Variants in CHORDC1 observed in about 807,000 individuals in gnomAD.
CHORDC1 encodes the protein cysteine and histidine rich domain containing 1, also known as cysteine and histidine-rich domain-containing protein 1.
CHORDC1 carries 25 observed loss-of-function variants against 48.3 expected under a neutral mutation model. The observed-to-expected ratio is 0.52, with a 90% CI of 0.38 to 0.72. CHORDC1 has a LOEUF of 0.72. Among genes scored for constraint, CHORDC1 ranks in the 30% least tolerant of loss-of-function variants. CHORDC1 has a pLI of 0.00. For missense variants in CHORDC1, 317 were observed against 388.7 expected, an observed-to-expected ratio of 0.82 and a Z score of 1.55; for synonymous variants, 128 against 126.4, an observed-to-expected ratio of 1.01 and a Z score of -0.09.
At chr11:90,208,090 A>C (rs2135035446) in intron 6 of CHORDC1, 1 of 152,176 alleles carries the variant, frequency 6.6e-6, no homozygotes, top group East Asian at 1.9e-4. Context: ...AATCCAAAAT[A>C]CTAGAAATGG....
At chr11:90,202,758 C>A in intron 10 of CHORDC1, 55 bp downstream of exon 10, 1 of 1,521,934 alleles carries the variant, frequency 6.6e-7, no homozygotes, top group South Asian at 1.2e-5. Context: ...GTCTTTTATT[C>A]TACAAATGAT....
intron 6 of CHORDC1, among the ~76,000 whole-genome samples, chr11:90,209,631 G>A (rs1026090473): frequency 6.6e-6 from 1 of 152,030 alleles, no homozygotes; most frequent in African/African-American, 2.4e-5. Flanking sequence ...AAAAGGAGAG[G>A]GAGAAGAAAT....
rs958698155 is a variant in CHORDC1 at position 90,222,558 on chromosome 11, G to A, written c.64+333C>T. The A allele has an allele frequency of 7.3e-6, 4 of 544,294 alleles. No homozygotes were observed. The East Asian group carries it at 1.8e-4, about 24-fold the overall frequency. 33.7% of individuals were successfully genotyped at this position (544,294 alleles called of 1,614,324 possible). On this transcript the variant is annotated intron_variant, in intron 1 of 10. Transcript: ENST00000320585. ...TTAATTTTTGCTTCCCCAGAGACTG[G>A]AGGGCCAGAGGAGAAACGTGTTCGT...
intron 6 of CHORDC1, chr11:90,206,509 T>C (rs938400869): frequency 1.6e-4 from 68 of 438,012 alleles, no homozygotes; most frequent in Non-Finnish European, 2.4e-4. Context: ...TTTCAGCCTT[T>C]TGAGTATGAG....
intron 6 of CHORDC1, chr11:90,207,761 C>CAAAAAAAAAAAA (rs71055890): frequency 9.6e-4 from 50 of 52,352 alleles, no homozygotes; most frequent in East Asian, 1.6e-3. Context: ...GGTTAAAATA[C>CAAAAAAAAAAAA]AAAAAAAAAA....
At chr11:90,212,099 C>T (rs958892449) in intron 4 of CHORDC1, 4 of 152,152 alleles carry the variant, frequency 2.6e-5, no homozygotes, top group Non-Finnish European at 5.9e-5. Flanking sequence ...AAGTGGAACC[C>T]TGTCTCCGCA....
chr11:90,204,924 G>A (rs1857635036), intron 8 of CHORDC1, among the ~76,000 whole-genome samples: 1 of 151,946 alleles, frequency 6.6e-6, no homozygotes, highest in African/African-American at 2.4e-5. Context: ...AGCTGTCCAG[G>A]GAAGTAGGAA....
Position 90,205,450 on chromosome 11 carries a change from AG to A in CHORDC1, c.669+9del. ...AAACCCAGTGTGCTATTTTTGGAAGAGTTACTTACAGCATCTTTTTTAGTCC... is the reference window on the plus strand; with the variant it reads ...AAACCCAGTGTGCTATTTTTGGAAGATTACTTACAGCATCTTTTTTAGTCC... On this transcript the variant is annotated intron_variant, in intron 8 of 10. Coordinates refer to ENST00000320585, the MANE Select transcript of CHORDC1 (RefSeq NM_012124.3). 1 of 1,282,850 alleles carries A rather than the reference AG, an allele frequency of 7.8e-7. No individual in the cohort carries two copies. Among genetic ancestry groups the A allele is most frequent in the East Asian group, 2.6e-5 (1 of 39,084 alleles). The allele number at this position is 1,282,850 out of a possible 1,614,324, so 79.5% of individuals were successfully genotyped here.
chr11:90,222,383 A>G (rs1858193624), intron 1 of CHORDC1: 4 of 324,270 alleles, frequency 1.2e-5, no homozygotes. Context: ...AGAGGTTTGT[A>G]ACAGCGGATC....
chr11:90,205,436 G>T (rs766791252), intron 8 of CHORDC1, 24 bp downstream of exon 8: 15 of 1,200,810 alleles, frequency 1.2e-5, no homozygotes, highest in Admixed American at 1.9e-5. Context: ...AACCCAGTGT[G>T]CTATTTTTGG....
Position 90,202,566 on chromosome 11 carries a change from A to C in CHORDC1, c.853-15T>G, listed in dbSNP as rs1565165824. On this transcript the variant is annotated splice_polypyrimidine_tract_variant and intron_variant, in intron 10 of 10. Coordinates refer to ENST00000320585, the MANE Select transcript of CHORDC1 (RefSeq NM_012124.3). ...ACATCAATCACCTGTAACATATCAAAGAGAATTACAGGAAACCTCAGTAGT... is the reference window on the plus strand; with the variant it reads ...ACATCAATCACCTGTAACATATCAACGAGAATTACAGGAAACCTCAGTAGT... 1 of 1,610,546 alleles carries C rather than the reference A, an allele frequency of 6.2e-7. No homozygotes were observed. The highest frequency in any genetic ancestry group is 8.5e-7 in the Non-Finnish European group (1 of 1,178,042).
chr11:90,214,958 G>T (rs954071707), intron 3 of CHORDC1, among the ~76,000 whole-genome samples: 1 of 151,920 alleles, frequency 6.6e-6, no homozygotes, highest in African/African-American at 2.4e-5. Context: ...AACCTAAAAT[G>T]ATAAGCAGGT....
intron 4 of CHORDC1, chr11:90,212,912 G>A (rs910521728): frequency 1.3e-5 from 2 of 152,240 alleles, no homozygotes; most frequent in Non-Finnish European, 2.9e-5. Context: ...TTGAGCCACA[G>A]TGCCTGGCCT....
chr11:90,201,014 T>C lies in CHORDC1; in HGVS notation c.*1391A>G, dbSNP rs10741326. The C allele has an allele frequency of 0.3, 45,107 of 151,688 alleles. 7,569 individuals carry two copies. Among genetic ancestry groups the C allele is most frequent in the East Asian group, 0.58 (2,997 of 5,148 alleles). The allele number at this position is 151,688 out of a possible 1,614,324, so 9.4% of individuals were successfully genotyped here. On this transcript the variant is annotated 3_prime_UTR_variant, in exon 11 of 11. Coordinates refer to ENST00000320585, the MANE Select transcript of CHORDC1 (RefSeq NM_012124.3). ...GTAATGTAACATCATGAAAGTCTGG[T>C]TGCCAGATCTTTATGTTTTTATTTG...
At position 90,210,884 on chromosome 11, in the gene CHORDC1, A is replaced by G. The variant is rs1857841538; in HGVS notation, c.434-290T>C. On this transcript the variant is annotated intron_variant, in intron 5 of 10. Transcript: ENST00000320585. ...GTTTTCCTCCCATGGTACCAGGTAT[A>G]AAGTCAGAGAATAGTGAATATATTT... 1.4e-5 allele frequency: 5 copies of G among 353,238 alleles called. No homozygotes were observed. In the South Asian group the frequency reaches 2.6e-4, roughly 19 times the overall value. 21.9% of individuals were successfully genotyped at this position (353,238 alleles called of 1,614,324 possible). A position where few individuals can be genotyped will look rare whatever the true frequency, so the allele number is the denominator to read the frequency against.
intron 6 of CHORDC1, chr11:90,206,618 C>A (rs1194211990): frequency 2.6e-6 from 1 of 378,428 alleles, no homozygotes; most frequent in African/African-American, 2.1e-5. Flanking sequence ...ACAGTTACTG[C>A]ATGACTTATG....
In CHORDC1 at chr11:90,223,029, G is replaced by T. The variant is rs988732232; in HGVS notation, c.-75C>A. ...AGGATGCGTTTGCCACTCCCGTGTC[G>T]CTAGCACCGGTCTGACGACTGAGGC... On this transcript the variant is annotated 5_prime_UTR_variant, in exon 1 of 11. Coordinates refer to ENST00000320585, the MANE Select transcript of CHORDC1 (RefSeq NM_012124.3). The T allele has an allele frequency of 3.3e-5, 43 of 1,298,790 alleles. No individual in the cohort carries two copies. In the Admixed American group the frequency reaches 5.4e-4, roughly 16 times the overall value. The allele number at this position is 1,298,790 out of a possible 1,614,324, so 80.5% of individuals were successfully genotyped here. A position where few individuals can be genotyped will look rare whatever the true frequency, so the allele number is the denominator to read the frequency against.
At chr11:90,203,011 T>G in intron 9 of CHORDC1, 136 bp from the exon 10 acceptor site, 1 of 1,150,354 alleles carries the variant, frequency 8.7e-7, no homozygotes, top group East Asian at 2.7e-5. Context: ...TTGTTTCATA[T>G]GAGAAAAGCC....
rs1432040659 is a variant in CHORDC1 at position 90,205,466 on chromosome 11, T to G, written c.663A>C (p.Lys221Asn). The G allele has an allele frequency of 9.5e-6, 15 of 1,582,574 alleles. No individual in the cohort carries two copies. Among genetic ancestry groups the G allele is most frequent in the Non-Finnish European group, 1.3e-5 (15 of 1,158,090 alleles). ...TTTTGGAAGAGTTACTTACAGCATC[T>G]TTTTTAGTCCACATGTGTTTCCCTT... ...CTKGKHMWTK[K>N]DAGKKVVPCR... The change falls in exon 8 of 11, where the codon AAA (lysine) becomes AAC (asparagine). Residue 221 changes from lysine (K) to asparagine (N), a missense_variant. By Grantham distance (94) the Lys-to-Asn change is moderately conservative. Transcript: ENST00000320585.
Sources: gnomAD v4.1 joint callset for allele counts (sites outside exome capture counted in the v4.1 genomes callset) on GRCh38, gnomAD v4.1.1 for gene constraint, MANE v1.5 for transcripts, NCBI Gene and HGNC (gene_info 2026-07-23, HGNC 2026-07-21) for gene names.